Variants in NCAM2 observed in about 807,000 individuals in gnomAD.
The protein encoded by NCAM2 is N-CAM-2.
In NCAM2, 30 loss-of-function variants were observed where a neutral mutation model predicts 98.1. The ratio of observed to expected loss-of-function variants is 0.31; its 90% CI spans 0.23 to 0.41. The LOEUF (loss-of-function observed/expected upper bound fraction) is 0.41. Among genes scored for constraint, NCAM2 ranks in the 10% least tolerant of loss-of-function variants. The pLI, the probability that NCAM2 is intolerant of heterozygous loss-of-function variation, is 1.00. For missense variants in NCAM2, 867 were observed against 1,005.8 expected, an observed-to-expected ratio of 0.86 and a Z score of 1.87; for synonymous variants, 368 against 342.4, an observed-to-expected ratio of 1.07 and a Z score of -0.83.
intron 9 of NCAM2, among the ~76,000 whole-genome samples, chr21:21,377,821 C>G (rs13046214): frequency 6.6e-6 from 1 of 151,640 alleles, no homozygotes; most frequent in Non-Finnish European, 1.5e-5. Context: ...TGATCAATAA[C>G]TCCCCATTTC....
intron 12 of NCAM2, among the ~76,000 whole-genome samples, chr21:21,455,472 A>G (rs1260154578): frequency 1.3e-5 from 2 of 151,936 alleles, no homozygotes; most frequent in South Asian, 2.1e-4. Flanking sequence ...TTCAGGTTCT[A>G]TGACATGCTC....
chr21:21,030,922 T>C (rs2064668640), intron 1 of NCAM2, among the ~76,000 whole-genome samples: 1 of 150,728 alleles, frequency 6.6e-6, no homozygotes, highest in African/African-American at 2.5e-5. Context: ...TTCTAACTGA[T>C]AAATATTAAT....
chr21:21,288,692 C>T (rs1240071040), intron 4 of NCAM2, among the ~76,000 whole-genome samples: 1 of 151,670 alleles, frequency 6.6e-6, no homozygotes, highest in African/African-American at 2.4e-5. Context: ...ACTGCTTATA[C>T]CTCATATAGT....
chr21:21,410,150 A>AT lies in NCAM2; in HGVS notation c.1196-123dup, dbSNP rs570468090. ...TCCGTCTCAAAAAGAAAAAAAAAAA[A>AT]TACACGAAATTAGAATTATGTGGCT... On this transcript the variant is annotated intron_variant, in intron 9 of 17. Coordinates refer to ENST00000400546, the MANE Select transcript of NCAM2 (RefSeq NM_004540.5). 346 of 597,756 alleles carry AT rather than the reference A, an allele frequency of 5.8e-4. 2 individuals are homozygous for AT. The African/African-American group carries it at 6.5e-3, about 11-fold the overall frequency. 37.0% of individuals were successfully genotyped at this position (597,756 alleles called of 1,614,324 possible). A position where few individuals can be genotyped will look rare whatever the true frequency, so the allele number is the denominator to read the frequency against.
At chr21:21,337,309 A>G (rs2074898406) in intron 7 of NCAM2, among the ~76,000 whole-genome samples, 1 of 105,214 alleles carries the variant, frequency 9.5e-6, no homozygotes, top group African/African-American at 2.9e-5. Flanking sequence ...AAAATTTTAC[A>G]TGTTATGTTA....
rs1389766090 is a variant in NCAM2 at position 21,508,917 on chromosome 21, T to C, written c.2144T>C (p.Ile715Thr). 1 of 1,609,946 alleles carries C rather than the reference T, an allele frequency of 6.2e-7. No individual in the cohort carries two copies. The highest frequency in any genetic ancestry group is 8.5e-7 in the Non-Finnish European group (1 of 1,178,608). ...IGLGVAALLL[I>T]LVVTDVSCFF... ...CTGGGAGTTGCTGCACTGCTGCTAA[T>C]TCTTGTGGTAACAGACGTCAGCTGC... Residue 715 changes from isoleucine (I) to threonine (T), a missense_variant, in exon 16 of 18, where the codon ATT (isoleucine) becomes ACT (threonine). Around this residue, in one of 5 missense-constraint regions of NCAM2, gnomAD observed 234 missense variants for 333.8 expected, o/e 0.70. Transcript: ENST00000400546.
intron 12 of NCAM2, among the ~76,000 whole-genome samples, chr21:21,465,564 AG>A (rs1445368031): frequency 6.1e-5 from 9 of 148,672 alleles, no homozygotes; most frequent in African/African-American, 2.2e-4. Flanking sequence ...TATAATCATT[AG>A]AAATAATATT....
chr21:21,105,677 T>G (rs1374426381), intron 1 of NCAM2, among the ~76,000 whole-genome samples: 1 of 152,090 alleles, frequency 6.6e-6, no homozygotes, highest in East Asian at 1.9e-4. Flanking sequence ...AAAAGACTAA[T>G]AAAACTCTTC....
chr21:21,141,350 T>C (rs1309539644), intron 1 of NCAM2, among the ~76,000 whole-genome samples: 1 of 152,200 alleles, frequency 6.6e-6, no homozygotes, highest in Non-Finnish European at 1.5e-5. Flanking sequence ...TGATCTTTGC[T>C]AGATCCATTA....
intron 15 of NCAM2, among the ~76,000 whole-genome samples, chr21:21,481,727 C>A (rs940267589): frequency 6.6e-6 from 1 of 152,028 alleles, no homozygotes; most frequent in Non-Finnish European, 1.5e-5. Flanking sequence ...GGTATTCACC[C>A]CTCTAAACCA....
At chr21:21,510,410 T>C (rs1251717501) in intron 16 of NCAM2, among the ~76,000 whole-genome samples, 4 of 152,138 alleles carry the variant, frequency 2.6e-5, no homozygotes, top group Non-Finnish European at 4.4e-5. Flanking sequence ...TTTTTGCTTA[T>C]TTTGGAACTT....
chr21:21,371,813 G>T (rs73322793), intron 8 of NCAM2, among the ~76,000 whole-genome samples: 2 of 151,596 alleles, frequency 1.3e-5, no homozygotes, highest in Non-Finnish European at 2.9e-5. Context: ...ATTACAGTTT[G>T]CTCAGCACTG....
chr21:21,112,676 G>A (rs1485253445), intron 1 of NCAM2, among the ~76,000 whole-genome samples: 1 of 152,136 alleles, frequency 6.6e-6, no homozygotes, highest in Non-Finnish European at 1.5e-5. Context: ...TTATCGGTCT[G>A]TCACCATCAG....
At chr21:21,050,148 A>C (rs1405208469) in intron 1 of NCAM2, among the ~76,000 whole-genome samples, 2 of 151,406 alleles carry the variant, frequency 1.3e-5, no homozygotes, top group Admixed American at 1.3e-4. Context: ...AAAAAAAAAA[A>C]GGTTTTTCTC....
intron 1 of NCAM2, among the ~76,000 whole-genome samples, chr21:21,045,239 C>A (rs1051702102): frequency 6.6e-6 from 1 of 152,104 alleles, no homozygotes; most frequent in African/African-American, 2.4e-5. Context: ...TCACTTCAGT[C>A]TGCTGTTAAA....
chr21:21,350,826 G>A (rs956298388), intron 8 of NCAM2, among the ~76,000 whole-genome samples: 3 of 151,610 alleles, frequency 2.0e-5, no homozygotes, highest in East Asian at 1.9e-4. Context: ...GGTGGCTCAC[G>A]CCTGTAATCC....
At chr21:21,020,599 TC>T (rs1261501659) in intron 1 of NCAM2, among the ~76,000 whole-genome samples, 1 of 152,120 alleles carries the variant, frequency 6.6e-6, no homozygotes, top group East Asian at 1.9e-4. Context: ...CCACCTCAGC[TC>T]CCACTGATCC....
At chr21:21,169,340 A>G (rs1433273147) in intron 1 of NCAM2, among the ~76,000 whole-genome samples, 1 of 152,152 alleles carries the variant, frequency 6.6e-6, no homozygotes, top group Non-Finnish European at 1.5e-5. Context: ...TAAAACTCAT[A>G]GAAAGAAGAT....
chr21:21,322,341 C>T (rs2074397273), intron 5 of NCAM2, among the ~76,000 whole-genome samples: 1 of 151,954 alleles, frequency 6.6e-6, no homozygotes, highest in Non-Finnish European at 1.5e-5. Context: ...GAAAAACTAC[C>T]TATTGGGTAT....
Sources: gnomAD v4.1 joint callset for allele counts (sites outside exome capture counted in the v4.1 genomes callset) on GRCh38, gnomAD v4.1.1 for gene constraint, gnomAD v4.1.1 regional missense constraint, MANE v1.5 for transcripts, NCBI Gene and HGNC (gene_info 2026-07-23, HGNC 2026-07-21) for gene names.